VDAC1: variants seen among roughly 807,000 people sequenced by gnomAD.
VDAC1 encodes the protein non-selective voltage-gated ion channel VDAC1.
In VDAC1, 10 loss-of-function variants were observed where a neutral mutation model predicts 34.7. The ratio of observed to expected loss-of-function variants is 0.29; its 90% CI spans 0.18 to 0.49. The LOEUF (loss-of-function observed/expected upper bound fraction) is 0.49, where lower values mean the gene tolerates loss of function less well. Ranked by LOEUF, VDAC1 falls within the 20% of genes least tolerant of loss-of-function variation. The pLI is 0.99. For synonymous variants in VDAC1, 130 were observed against 136.0 expected, an observed-to-expected ratio of 0.96 and a Z score of 0.30; for missense variants, 230 against 347.9, an observed-to-expected ratio of 0.66 and a Z score of 2.69.
At chr5:133,993,479 T>C (rs2126983250) in intron 1 of VDAC1, among the ~76,000 whole-genome samples, 1 of 152,360 alleles carries the variant, frequency 6.6e-6, no homozygotes, top group South Asian at 2.1e-4. Context: ...AACATCATTT[T>C]CCATGTGGCT....
chr5:134,112,363 C>CA, the VDAC1 span, among the ~76,000 whole-genome samples: 15 of 152,370 alleles, frequency 9.8e-5, no homozygotes, highest in South Asian at 1.4e-3. Context: ...TCCCTCTCCA[C>CA]AGCCCAAGCC....
chr5:134,114,053 G>A, the VDAC1 span, among the ~76,000 whole-genome samples: 1 of 152,198 alleles, frequency 6.6e-6, no homozygotes, highest in African/African-American at 2.4e-5. Flanking sequence ...TCGCCTGACT[G>A]AGGGGCCCGT....
chr5:134,074,701 C>G, the VDAC1 span, among the ~76,000 whole-genome samples: 1 of 152,106 alleles, frequency 6.6e-6, no homozygotes, highest in Admixed American at 6.6e-5. Flanking sequence ...GTGGGAGGAC[C>G]ACTGGCTTCC....
rs1272147093 is a variant in VDAC1 at position 133,971,884 on chromosome 5, T to C, written c.*887A>G. ...TCTAAACAAATGCCCTGTTTATTTA[T>C]ATTTTATTAATAAAGACAACAGAAG... On this transcript the variant is annotated 3_prime_UTR_variant, in exon 9 of 9. Coordinates refer to ENST00000265333, the MANE Select transcript of VDAC1 (RefSeq NM_003374.3). 6.5e-6 allele frequency: 1 copy of C among 152,704 alleles called. No homozygotes were observed. The highest frequency in any genetic ancestry group is 1.5e-5 in the Non-Finnish European group (1 of 68,048). The allele number at this position is 152,704 out of a possible 1,614,324, so 9.5% of individuals were successfully genotyped here.
the VDAC1 span, among the ~76,000 whole-genome samples, chr5:134,055,749 C>A: frequency 1.9e-5 from 1 of 53,348 alleles, no homozygotes; most frequent in Non-Finnish European, 3.4e-5. Context: ...TTTTAATTGT[C>A]TTTTTTTCTT....
At chr5:134,113,762 G>A in the VDAC1 span, among the ~76,000 whole-genome samples, 2 of 152,358 alleles carry the variant, frequency 1.3e-5, no homozygotes, top group African/African-American at 2.4e-5. Context: ...CCCGCGCTCC[G>A]CAAATCTAGA....
the VDAC1 span, among the ~76,000 whole-genome samples, chr5:134,059,347 T>C: frequency 6.6e-6 from 1 of 152,190 alleles, no homozygotes; most frequent in Non-Finnish European, 1.5e-5. Flanking sequence ...CAGGGCTTCC[T>C]TGGCTCTAGA....
intron 7 of VDAC1, among the ~76,000 whole-genome samples, chr5:133,974,790 TAA>T (rs1752412253): frequency 6.6e-6 from 1 of 152,100 alleles, no homozygotes; most frequent in South Asian, 2.1e-4. Context: ...CCGTCTATAC[TAA>T]AAACACAAAA....
chr5:134,114,256 ACAGCCTCAAG>A, the VDAC1 span, among the ~76,000 whole-genome samples: 3 of 152,096 alleles, frequency 2.0e-5, no homozygotes, highest in Non-Finnish European at 2.9e-5. Flanking sequence ...GGGTACGAGC[ACAGCCTCAAG>A]CAGCCTCAAG....
the VDAC1 span, among the ~76,000 whole-genome samples, chr5:134,039,322 G>GTT: frequency 6.6e-6 from 1 of 152,156 alleles, no homozygotes; most frequent in South Asian, 2.1e-4. Context: ...GACATGCGTG[G>GTT]TTTTTTATTT....
At chr5:133,981,806 CT>C (rs1327044831) in intron 5 of VDAC1, among the ~76,000 whole-genome samples, 2 of 152,212 alleles carry the variant, frequency 1.3e-5, no homozygotes, top group African/African-American at 4.8e-5. Context: ...CTGATTGTCT[CT>C]ATCATTCAGT....
At chr5:134,042,947 G>A in the VDAC1 span, among the ~76,000 whole-genome samples, 1 of 152,342 alleles carries the variant, frequency 6.6e-6, no homozygotes, top group South Asian at 2.1e-4. Flanking sequence ...TTCCCCATTG[G>A]CACTGAGTAT....
At chr5:134,056,554 C>A in the VDAC1 span, among the ~76,000 whole-genome samples, 1 of 152,036 alleles carries the variant, frequency 6.6e-6, no homozygotes, top group African/African-American at 2.4e-5. Flanking sequence ...ATCCTCTAGC[C>A]TCGGCCTCCC....
At chr5:133,988,403 A>G (rs2126959297) in intron 5 of VDAC1, among the ~76,000 whole-genome samples, 1 of 152,212 alleles carries the variant, frequency 6.6e-6, no homozygotes, top group South Asian at 2.1e-4. Flanking sequence ...CCTGACCAAC[A>G]TGGAGAGACC....
intron 5 of VDAC1, among the ~76,000 whole-genome samples, chr5:133,987,829 C>T (rs1752962244): frequency 6.6e-6 from 1 of 152,136 alleles, no homozygotes. Flanking sequence ...TGGCAGACAC[C>T]ACTTCAAAAC....
At chr5:134,085,558 A>G in the VDAC1 span, among the ~76,000 whole-genome samples, 1 of 151,304 alleles carries the variant, frequency 6.6e-6, no homozygotes, top group Admixed American at 6.6e-5. Context: ...GGCAGAGAAC[A>G]CCTCAGGGGT....
the VDAC1 span, among the ~76,000 whole-genome samples, chr5:134,092,287 T>C: frequency 6.6e-6 from 1 of 152,140 alleles, no homozygotes; most frequent in South Asian, 2.1e-4. Context: ...ATCACTATAA[T>C]TTCCTAAAGA....
At chr5:134,021,872 T>G in the VDAC1 span, among the ~76,000 whole-genome samples, 1 of 140,788 alleles carries the variant, frequency 7.1e-6, no homozygotes. Context: ...AGAGAAAGCC[T>G]GTGATTTTTT....
At chr5:133,980,089 G>A (rs1752634739) in intron 6 of VDAC1, among the ~76,000 whole-genome samples, 1 of 152,212 alleles carries the variant, frequency 6.6e-6, no homozygotes, top group African/African-American at 2.4e-5. Context: ...CCCAGCTTGT[G>A]CCTGTCACAG....
Sources: gnomAD v4.1 joint callset for allele counts (sites outside exome capture counted in the v4.1 genomes callset) on GRCh38, gnomAD v4.1.1 for gene constraint, MANE v1.5 for transcripts, NCBI Gene and HGNC (gene_info 2026-07-23, HGNC 2026-07-21) for gene names.